The following RARA variants were observed in gnomAD, a reference collection of about 807,000 sequenced individuals.
The protein encoded by RARA is retinoic acid receptor alpha.
RARA carries 5 observed loss-of-function variants against 42.8 expected under a neutral mutation model. The observed-to-expected ratio is 0.12, with a 90% CI of 0.06 to 0.25. The LOEUF (loss-of-function observed/expected upper bound fraction) is 0.25. Among genes scored for constraint, RARA ranks in the 10% least tolerant of loss-of-function variants. The pLI, the probability that RARA is intolerant of heterozygous loss-of-function variation, is 1.00. For synonymous variants in RARA, 256 were observed against 259.5 expected, an observed-to-expected ratio of 0.99 and a Z score of 0.13; for missense variants, 402 against 628.7, an observed-to-expected ratio of 0.64 and a Z score of 3.86.
intron 1 of RARA, among the ~76,000 whole-genome samples, chr17:40,312,080 C>T (rs2033106247): frequency 6.6e-6 from 1 of 152,158 alleles, no homozygotes; most frequent in Non-Finnish European, 1.5e-5. Context: ...TTTTGTCTTC[C>T]CTCCAGTTGG....
At position 40,354,575 on chromosome 17, in the gene RARA, A is replaced by C; in HGVS notation, c.1012+69A>C. On this transcript the variant is annotated intron_variant, in intron 7 of 8. Transcript: ENST00000254066. The surrounding 1 kb of genome is among the most constrained non-coding windows in gnomAD (Gnocchi z 4.5). ...TGCAGCCCTGGAGTCTCTTCCAGGG[A>C]GCTCTTTCAGGCCACCTCTGTTAGG... 6.5e-7 allele frequency: 1 copy of C among 1,536,854 alleles called. No homozygotes were observed. The highest frequency in any genetic ancestry group is 1.2e-5 in the South Asian group (1 of 86,916).
At chr17:40,344,132 T>G (rs1398465203) in intron 2 of RARA, among the ~76,000 whole-genome samples, 1 of 151,196 alleles carries the variant, frequency 6.6e-6, no homozygotes, top group Non-Finnish European at 1.5e-5. Flanking sequence ...TGGAGAAGGT[T>G]GAAGGGCAAA....
At position 40,351,381 on chromosome 17, in the gene RARA, GATTT is replaced by G. The variant is rs543649027; in HGVS notation, c.470-528_470-525del. The G allele has an allele frequency of 3.3e-5, 14 of 424,210 alleles. No homozygotes were observed. The East Asian group carries it at 1.0e-3, about 32-fold the overall frequency. 26.3% of individuals were successfully genotyped at this position (424,210 alleles called of 1,614,324 possible). ...GTGTGTGCGGCTCAGCGCCCCTGGTGATTTGTCAGCTCCCCAGCTAATGGGCCAA... is the reference window on the plus strand; with the variant it reads ...GTGTGTGCGGCTCAGCGCCCCTGGTGGTCAGCTCCCCAGCTAATGGGCCAA... On this transcript the variant is annotated intron_variant, in intron 4 of 8. Transcript: ENST00000254066. This position sits in a 1 kb window ranked among gnomAD's most constrained non-coding sequence, Gnocchi z 4.1.
rs1376659179 is a variant in RARA at position 40,309,271 on chromosome 17, GC to G, written c.-377del. Reference sequence around the variant, plus strand: ...TGGGAACCCCATCGGCCCCCTGCCAGCACACACCTGAGCAGGTAGGACCATG... The same window carrying G: ...TGGGAACCCCATCGGCCCCCTGCCAGACACACCTGAGCAGGTAGGACCATG... On this transcript the variant is annotated 5_prime_UTR_variant, in exon 1 of 9. Coordinates refer to ENST00000254066, the MANE Select transcript of RARA (RefSeq NM_000964.4). 1.3e-5 allele frequency: 2 copies of G among 152,412 alleles called. No homozygotes were observed. Among genetic ancestry groups the G allele is most frequent in the Admixed American group, 1.3e-4 (2 of 15,288 alleles). The allele number at this position is 152,412 out of a possible 1,614,324, so 9.4% of individuals were successfully genotyped here.
Position 40,355,439 on chromosome 17 carries a change from G to T in RARA, c.1171+18G>T. 2 of 1,603,762 alleles carry T rather than the reference G, an allele frequency of 1.2e-6. No individual in the cohort carries two copies. Among genetic ancestry groups the T allele is most frequent in the Non-Finnish European group, 1.7e-6 (2 of 1,172,180 alleles). Reference sequence around the variant, plus strand: ...CGCCAAGGGTGAGGCTCACAGACCTGGAGGGGTACCGGCCCCCGACACCTG... The same window carrying T: ...CGCCAAGGGTGAGGCTCACAGACCTTGAGGGGTACCGGCCCCCGACACCTG... On this transcript the variant is annotated intron_variant, in intron 8 of 8. Coordinates refer to ENST00000254066, the MANE Select transcript of RARA (RefSeq NM_000964.4). The surrounding 1 kb of genome is among the most constrained non-coding windows in gnomAD (Gnocchi z 4.1).
chr17:40,331,287 C>T lies in RARA; in HGVS notation c.69C>T (p.Pro23=). ...GGHLNGYPVP[P]YAFFFPPMLG... ...ACCTCAATGGGTACCCGGTGCCTCC[C>T]TACGCCTTCTTCTTCCCCCCTATGC... Residue 23 remains proline (P), a synonymous_variant, in exon 2 of 9, where the codon CCC becomes CCT. Coordinates refer to ENST00000254066, the MANE Select transcript of RARA (RefSeq NM_000964.4). 2 of 1,614,064 alleles carry T rather than the reference C, an allele frequency of 1.2e-6. No individual in the cohort carries two copies. The highest frequency in any genetic ancestry group is 2.2e-5 in the East Asian group (1 of 44,874).
chr17:40,338,473 C>T (rs564383490), intron 2 of RARA, among the ~76,000 whole-genome samples: 1 of 152,252 alleles, frequency 6.6e-6, no homozygotes, highest in East Asian at 1.9e-4. Flanking sequence ...GGGCAGGAGT[C>T]TTAAAGGACA....
rs190879195 is a variant in RARA at position 40,356,381 on chromosome 17, A to G, written c.*155A>G. The G allele has an allele frequency of 3.6e-4, 307 of 859,934 alleles. 1 individual carries two copies. In the African/African-American group the frequency reaches 4.8e-3, roughly 13 times the overall value. The allele number at this position is 859,934 out of a possible 1,614,324, so 53.3% of individuals were successfully genotyped here. A position where few individuals can be genotyped will look rare whatever the true frequency, so the allele number is the denominator to read the frequency against. On this transcript the variant is annotated 3_prime_UTR_variant, in exon 9 of 9. Coordinates refer to ENST00000254066, the MANE Select transcript of RARA (RefSeq NM_000964.4). ...GGGGACGGGGAGGGAGGAGGCAGCG[A>G]CTCCTTGGACAGAGGCCTGGGCCCT...
In RARA at chr17:40,353,232, GGACTGCCGGGCACTCGGT is replaced by G. The variant is rs1429551573; in HGVS notation, c.807+728_807+745del. Among the ~76,000 whole-genome samples, 20 of 152,102 alleles carry G rather than the reference GGACTGCCGGGCACTCGGT, an allele frequency of 1.3e-4. No individual in the cohort carries two copies. The East Asian group carries it at 3.7e-3, about 28-fold the overall frequency. On this transcript the variant is annotated intron_variant, in intron 6 of 8. Coordinates refer to ENST00000254066, the MANE Select transcript of RARA (RefSeq NM_000964.4). ...GCTGTGAGGCCATGCTGAGCTCAGG[GGACTGCCGGGCACTCGGT>G]GAGGTGAGCCCGAGGGTAGACTGGG...
rs1382954941 is a variant in RARA, at chr17:40,354,863, CAG to C, written c.1012+359_1012+360del. On this transcript the variant is annotated intron_variant, in intron 7 of 8. Coordinates refer to ENST00000254066, the MANE Select transcript of RARA (RefSeq NM_000964.4). This position sits in a 1 kb window ranked among gnomAD's most constrained non-coding sequence, Gnocchi z 4.5. ...GTTGATGGGAGGATTACGGTGGTAACAGATACTGTGCAGGTGCCCAGAGCGAG... is the reference window on the plus strand; with the variant it reads ...GTTGATGGGAGGATTACGGTGGTAACATACTGTGCAGGTGCCCAGAGCGAG... 6.6e-6 allele frequency among the ~76,000 whole-genome samples: 1 copy of C among 152,200 alleles called. No homozygotes were observed. Among genetic ancestry groups the C allele is most frequent in the Non-Finnish European group, 1.5e-5 (1 of 68,036 alleles).
intron 2 of RARA, chr17:40,341,775 A>G: frequency 1.6e-6 from 2 of 1,289,560 alleles, no homozygotes; most frequent in Middle Eastern, 2.9e-4. Flanking sequence ...CTCCTCCACC[A>G]CGGCTTCGCT....
chr17:40,348,440 G>A lies in RARA; in HGVS notation c.303G>A (p.Gly101=). ...ACAAGTCCTCAGGCTACCACTATGG[G>A]GTCAGCGCCTGTGAGGGCTGCAAGG... ...CQDKSSGYHY[G]VSACEGCKGF... Residue 101 remains glycine, a synonymous_variant, in exon 3 of 9, where the codon GGG becomes GGA. Transcript: ENST00000254066. The A allele has an allele frequency of 6.2e-7, 1 of 1,613,306 alleles. No individual in the cohort carries two copies. Among genetic ancestry groups the A allele is most frequent in the Non-Finnish European group, 8.5e-7 (1 of 1,179,556 alleles).
chr17:40,344,667 TC>T (rs1717161437), intron 2 of RARA, among the ~76,000 whole-genome samples: 2 of 152,110 alleles, frequency 1.3e-5, no homozygotes, highest in African/African-American at 4.8e-5. Flanking sequence ...CCACATCCAT[TC>T]TGGGGTGGGG....
At chr17:40,341,457 A>G (rs1470071828) in intron 2 of RARA, 1 of 1,519,366 alleles carries the variant, frequency 6.6e-7, no homozygotes, top group East Asian at 2.8e-5. Flanking sequence ...GCACAATGTC[A>G]CACCCGGGTG....
At position 40,344,843 on chromosome 17, in the gene RARA, G is replaced by A. The variant is rs551927157; in HGVS notation, c.179-3473G>A. Among the ~76,000 whole-genome samples, 13 of 152,284 alleles carry A rather than the reference G, an allele frequency of 8.5e-5. No homozygotes were observed. In the East Asian group the frequency reaches 2.3e-3, roughly 27 times the overall value. On this transcript the variant is annotated intron_variant, in intron 2 of 8. Transcript: ENST00000254066. Reference sequence around the variant, plus strand: ...GCACAGGAAGGACCCGGAGTCTGAGGGTGGCAACTAGACTCAGTCTAGAAT... The same window carrying A: ...GCACAGGAAGGACCCGGAGTCTGAGAGTGGCAACTAGACTCAGTCTAGAAT...
intron 2 of RARA, among the ~76,000 whole-genome samples, chr17:40,332,138 T>TG (rs2033712169): frequency 6.6e-6 from 1 of 152,110 alleles, no homozygotes; most frequent in South Asian, 2.1e-4. Flanking sequence ...AGCCAGGTAG[T>TG]GGGAGGTGGC....
At chr17:40,314,786 G>T (rs1313787515) in intron 1 of RARA, among the ~76,000 whole-genome samples, 2 of 151,836 alleles carry the variant, frequency 1.3e-5, no homozygotes, top group Non-Finnish European at 2.9e-5. Context: ...TTCTCGGTAG[G>T]TGAGTCACTG....
At chr17:40,332,991 T>C (rs182624219) in intron 2 of RARA, among the ~76,000 whole-genome samples, 10 of 152,360 alleles carry the variant, frequency 6.6e-5, no homozygotes, top group Admixed American at 6.5e-4. Context: ...CATTCTGGAC[T>C]TGGATCACTG....
rs2033559947 is a variant in RARA at position 40,326,859 on chromosome 17, C to T, written c.-362-3998C>T. 1.3e-5 allele frequency among the ~76,000 whole-genome samples: 2 copies of T among 152,076 alleles called. No homozygotes were observed. The highest frequency in any genetic ancestry group is 3.9e-4 in the East Asian group (2 of 5,190). ...CTGAGGGTCATAGCTTCTGATGGAC[C>T]TTCTGAGGCAGAGTCTGTGCCCTTT... On this transcript the variant is annotated intron_variant, in intron 1 of 8. Transcript: ENST00000254066. The surrounding 1 kb of genome is among the most constrained non-coding windows in gnomAD (Gnocchi z 5.2).
Sources: allele counts gnomAD v4.1 joint callset (sites outside exome capture counted in the v4.1 genomes callset), GRCh38; gene constraint gnomAD v4.1.1; non-coding constraint Gnocchi (gnomAD v3.1); transcripts MANE v1.5; gene names NCBI Gene and HGNC (gene_info 2026-07-23, HGNC 2026-07-21).